The following PARP15 variants were observed in gnomAD, a reference collection of about 807,000 sequenced individuals.
PARP15 encodes protein mono-ADP-ribosyltransferase PARP15.
PARP15 carries 50 observed loss-of-function variants against 62.1 expected under a neutral mutation model. The ratio of observed to expected loss-of-function variants is 0.81; its 90% confidence interval spans 0.64 to 1.02. PARP15 has a LOEUF of 1.02. Ranked by LOEUF, PARP15 falls within the 50% of genes least tolerant of loss-of-function variation. The pLI is 0.00. For missense variants in PARP15, 820 were observed against 826.5 expected (o/e 0.99, Z 0.10); for synonymous variants, 309 against 293.1 (o/e 1.05, Z -0.55).
At chr3:122,621,690 G>T in intron 8 of PARP15, 79 bp downstream of exon 8, 1 of 1,264,510 alleles carries the variant, frequency 7.9e-7, no homozygotes, top group Non-Finnish European at 1.1e-6. Context: ...AAGCAGATCA[G>T]TGCTGAATCC....
In PARP15 at chr3:122,636,267, CT is replaced by C. The variant is rs910258474; in HGVS notation, c.*174del. 1.7e-5 allele frequency: 11 copies of C among 650,088 alleles called. No homozygotes were observed. The highest frequency in any genetic ancestry group is 5.5e-5 in the East Asian group (2 of 36,054). The allele number at this position is 650,088 out of a possible 1,614,324, so 40.3% of individuals were successfully genotyped here. A position where few individuals can be genotyped will look rare whatever the true frequency, so the allele number is the denominator to read the frequency against. ...TCTATTGCTGCGATTTGTAGCATACCTTTTTTTCTCAGCAAATTGATGGGTG... is the reference window on the plus strand; with the variant it reads ...TCTATTGCTGCGATTTGTAGCATACCTTTTTTCTCAGCAAATTGATGGGTG... On this transcript the variant is annotated 3_prime_UTR_variant, in exon 12 of 12. Coordinates refer to ENST00000464300, the MANE Select transcript of PARP15 (RefSeq NM_001113523.3).
chr3:122,610,669 G>A lies in PARP15; in HGVS notation c.482G>A (p.Cys161Tyr). The A allele has an allele frequency of 6.5e-7, 1 of 1,550,350 alleles. No individual in the cohort carries two copies. Among genetic ancestry groups the A allele is most frequent in the South Asian group, 1.2e-5 (1 of 83,828 alleles). The change falls in exon 3 of 12, where the codon TGC becomes TAC. Residue 161 changes from cysteine to tyrosine, a missense_variant. This residue lies in a region of PARP15 where 731 missense variants were observed against 727.7 expected (regional missense o/e 1.00). Transcript: ENST00000464300. ...IFMTSGCNLD[C>Y]KAVLHAVAPY... Reference sequence around the variant, plus strand: ...ATGACAAGCGGCTGCAATCTGGACTGCAAAGCTGTGCTCCATGCTGTGGCT... The same window carrying A: ...ATGACAAGCGGCTGCAATCTGGACTACAAAGCTGTGCTCCATGCTGTGGCT...
At position 122,577,785 on chromosome 3, in the gene PARP15, G is replaced by A; in HGVS notation, c.118G>A (p.Gly40Arg). ...TSRAGRDREA[G>R]SVLPAGNRGA... ...CAGAGCCGGACGAGATCGGGAGGCG[G>A]GGAGCGTGCTGCCGGCCGGGAACCG... Residue 40 changes from glycine to arginine, a missense_variant, in exon 1 of 12, where the codon GGG (glycine) becomes AGG (arginine). Physicochemically the swap from Gly to Arg is moderately radical, Grantham distance 125. Coordinates refer to ENST00000464300, the MANE Select transcript of PARP15 (RefSeq NM_001113523.3). The A allele has an allele frequency of 6.4e-7, 1 of 1,551,556 alleles. No homozygotes were observed. Among genetic ancestry groups the A allele is most frequent in the South Asian group, 1.2e-5 (1 of 84,050 alleles).
chr3:122,635,676 G>C (rs1193808662), intron 11 of PARP15, 135 bp from the exon 12 acceptor site: 1 of 971,588 alleles, frequency 1.0e-6, no homozygotes, highest in African/African-American at 1.6e-5. Flanking sequence ...GCCTCCCAAA[G>C]TGTTGGGATT....
Position 122,613,249 on chromosome 3 carries a change from A to T in PARP15, c.752A>T (p.Asn251Ile), listed in dbSNP as rs144513046. Residue 251 changes from asparagine (N) to isoleucine (I), a missense_variant, in exon 4 of 12, where the codon AAT becomes ATT. Physicochemically the swap from Asn to Ile is moderately radical, Grantham distance 149. This residue lies in a region of PARP15 where 731 missense variants were observed against 727.7 expected (regional missense o/e 1.00). Transcript: ENST00000464300. Reference protein sequence around the residue: ...LQEVHFLVYTNDDEGCQAFLD... With the variant: ...LQEVHFLVYTIDDEGCQAFLD... Reference sequence around the variant, plus strand: ...GAAGTCCACTTTCTGGTATATACAAATGACGATGAAGGCTGTCAGGTATGG... The same window carrying T: ...GAAGTCCACTTTCTGGTATATACAATTGACGATGAAGGCTGTCAGGTATGG... 4.0e-4 allele frequency: 614 copies of T among 1,548,132 alleles called. 4 individuals carry two copies. In the East Asian group the frequency reaches 0.013, roughly 33 times the overall value.
chr3:122,616,994 A>T, intron 5 of PARP15, 21 bp from the exon 6 acceptor site: 1 of 1,610,990 alleles, frequency 6.2e-7, no homozygotes, highest in Non-Finnish European at 8.5e-7. Context: ...CCCATTCTTT[A>T]CCTATTTTCT....
In PARP15 at chr3:122,635,148, A is replaced by G. The variant is rs1937279341; in HGVS notation, c.1701A>G (p.Pro567=). ...ATGGGACAGATGCAGACTCAGTGCC[A>G]TATGTCAATCAGCACGGCTTTAATA... ...LFHGTDADSV[P]YVNQHGFNRS... Residue 567 remains proline (P), a synonymous_variant, in exon 11 of 12, where the codon CCA becomes CCG. Transcript: ENST00000464300. 2.5e-6 allele frequency: 4 copies of G among 1,613,992 alleles called. No homozygotes were observed. Among genetic ancestry groups the G allele is most frequent in the Non-Finnish European group, 3.4e-6 (4 of 1,179,950 alleles).
chr3:122,606,300 A>G lies in PARP15; in HGVS notation c.306+245A>G, dbSNP rs183324487. On this transcript the variant is annotated intron_variant, in intron 2 of 11. Transcript: ENST00000464300. ...ACCACAAACAAGAGTTTGCAAATCT[A>G]TCTCTTTTATTTCTCTGTAACTGAT... 2.3e-3 allele frequency among the ~76,000 whole-genome samples: 348 copies of G among 152,244 alleles called. 2 individuals are homozygous for G. Among genetic ancestry groups the G allele is most frequent in the South Asian group, 5.0e-3 (24 of 4,816 alleles).
chr3:122,622,009 C>T (rs7629801), intron 8 of PARP15, among the ~76,000 whole-genome samples: 14,087 of 152,186 alleles, frequency 0.093, 1,376 homozygotes, highest in African/African-American at 0.25. Context: ...ATGTTGCCCA[C>T]GCTGGTCTCA....
chr3:122,619,982 G>C, intron 7 of PARP15, 139 bp downstream of exon 7: 2 of 741,816 alleles, frequency 2.7e-6, no homozygotes, highest in South Asian at 3.1e-5. Context: ...TGGAAGAGCA[G>C]GCAGAGGTGG....
At chr3:122,590,040 C>G (rs1206303296) in intron 1 of PARP15, among the ~76,000 whole-genome samples, 1 of 151,696 alleles carries the variant, frequency 6.6e-6, no homozygotes, top group Non-Finnish European at 1.5e-5. Context: ...TGCCCTTCAC[C>G]ACGCCTGGCT....
At chr3:122,610,846 GT>G (rs1935515512) in intron 3 of PARP15, 116 bp downstream of exon 3, 1 of 767,826 alleles carries the variant, frequency 1.3e-6, no homozygotes, top group Admixed American at 3.3e-5. Context: ...CAGTTGGGTT[GT>G]TACAACTGCT....
Position 122,626,996 on chromosome 3 carries a change from A to G in PARP15, c.1401A>G (p.Ala467=), listed in dbSNP as rs772723454. The change falls in exon 9 of 12, where the codon GCA becomes GCG. Residue 467 remains alanine (A), a synonymous_variant. Coordinates refer to ENST00000464300, the MANE Select transcript of PARP15 (RefSeq NM_001113523.3). ...YDSMKKRDLS[A]SLNFQSTFSM... ...GCATGAAAAAAAGAGACCTCTCTGC[A>G]TCACTGAACTTTCAGTCCACATTCT... 2.6e-5 allele frequency: 42 copies of G among 1,613,834 alleles called. No individual in the cohort carries two copies. Among genetic ancestry groups the G allele is most frequent in the Non-Finnish European group, 3.5e-5 (41 of 1,179,906 alleles).
In PARP15 at chr3:122,606,039, A is replaced by T; in HGVS notation, c.290A>T (p.Asp97Val). Reference protein sequence around the residue: ...EGLNLKLISGDVLYIWADVIV... With the variant: ...EGLNLKLISGVVLYIWADVIV... ...CTGAATCTCAAGTTGATAAGTGGAG[A>T]TGTTCTGTACATCTGGGTAGGTGAT... Residue 97 changes from aspartate (D) to valine (V), a missense_variant, in exon 2 of 12, where the codon GAT becomes GTT. Physicochemically the swap from Asp to Val is radical, Grantham distance 152. Around this residue, in one of 3 missense-constraint regions of PARP15, gnomAD observed 731 missense variants for 727.7 expected, o/e 1.00. Coordinates refer to ENST00000464300, the MANE Select transcript of PARP15 (RefSeq NM_001113523.3). The T allele has an allele frequency of 6.4e-7, 1 of 1,551,998 alleles. No homozygotes were observed. The highest frequency in any genetic ancestry group is 1.4e-5 in the African/African-American group (1 of 73,154).
At chr3:122,615,889 T>C (rs2107552154) in intron 5 of PARP15, 32 bp downstream of exon 5, 2 of 1,578,692 alleles carry the variant, frequency 1.3e-6, no homozygotes, top group East Asian at 4.5e-5. Context: ...AAGGAAATAT[T>C]TCCTTTTGCT....
At chr3:122,591,693 G>A (rs1339097476) in intron 1 of PARP15, among the ~76,000 whole-genome samples, 3 of 141,344 alleles carry the variant, frequency 2.1e-5, no homozygotes, top group South Asian at 2.2e-4. Flanking sequence ...CCAGGGAGGC[G>A]GTTATTGCAG....
chr3:122,635,196 T>C lies in PARP15; in HGVS notation c.1747+2T>C. 6.2e-7 allele frequency: 1 copy of C among 1,612,212 alleles called. No individual in the cohort carries two copies. The highest frequency in any genetic ancestry group is 1.1e-5 in the South Asian group (1 of 90,670). On this transcript the variant is annotated splice_donor_variant, in intron 11 of 11. Transcript: ENST00000464300. LOFTEE classifies it high-confidence loss of function. ...ATAGAAGTTGTGCTGGGAAAAATGG[T>C]AAGGAAGCAAGTAATTTGGCTGATC...
chr3:122,626,903 C>A lies in PARP15; in HGVS notation c.1308C>A (p.Ser436=), dbSNP rs766248920. 2.5e-6 allele frequency: 4 copies of A among 1,613,840 alleles called. No individual in the cohort carries two copies. In the African/African-American group the frequency reaches 5.3e-5, roughly 22 times the overall value. ...DAIVDFSSQH[S]TPSLKTVKVV... ...TTGTAGACTTCTCATCACAACATTC[C>A]ACCCCATCATTAAAAACAGTTAAAG... Residue 436 remains serine, a synonymous_variant, in exon 9 of 12, where the codon TCC becomes TCA. Coordinates refer to ENST00000464300, the MANE Select transcript of PARP15 (RefSeq NM_001113523.3).
At chr3:122,594,941 C>A in intron 1 of PARP15, 1 of 883,488 alleles carries the variant, frequency 1.1e-6, no homozygotes, top group Non-Finnish European at 1.4e-6. Flanking sequence ...TTCAGTATTT[C>A]CCAGAGGAGG....
Sources: gnomAD v4.1 joint callset for allele counts (sites outside exome capture counted in the v4.1 genomes callset) on GRCh38, gnomAD v4.1.1 for gene constraint, gnomAD v4.1.1 regional missense constraint, MANE v1.5 for transcripts, NCBI Gene and HGNC (gene_info 2026-07-23, HGNC 2026-07-21) for gene names.